Variants in ENOX1 observed in about 807,000 individuals in gnomAD.
ENOX1 encodes the protein ecto-NOX disulfide-thiol exchanger 1.
In ENOX1, 42 loss-of-function variants were observed where a neutral mutation model predicts 82.5. The observed-to-expected ratio is 0.51, with a 90% CI of 0.40 to 0.66. ENOX1 has a LOEUF of 0.66. ENOX1 is among the 30% of genes least tolerant of loss of function. The pLI, the probability that ENOX1 is intolerant of heterozygous loss-of-function variation, is 0.00. For synonymous variants in ENOX1, 271 were observed against 282.2 expected, an observed-to-expected ratio of 0.96 and a Z score of 0.40; for missense variants, 608 against 811.6, an observed-to-expected ratio of 0.75 and a Z score of 3.05.
At chr13:43,774,898 G>A (rs761963024) in intron 1 of ENOX1, among the ~76,000 whole-genome samples, 4 of 152,032 alleles carry the variant, frequency 2.6e-5, no homozygotes, top group Non-Finnish European at 4.4e-5. Context: ...CACCCAGACT[G>A]GAGTGCAATG....
At chr13:43,725,880 T>A (rs975973830) in intron 1 of ENOX1, among the ~76,000 whole-genome samples, 1 of 151,066 alleles carries the variant, frequency 6.6e-6, no homozygotes, top group South Asian at 2.1e-4. Context: ...GACAGGAGGG[T>A]TGCTTGAGCC....
At chr13:43,697,960 G>A (rs1352498365) in intron 1 of ENOX1, among the ~76,000 whole-genome samples, 1 of 152,174 alleles carries the variant, frequency 6.6e-6, no homozygotes, top group Non-Finnish European at 1.5e-5. Context: ...TCAGCATTGA[G>A]GAAGGAAAGG....
intron 14 of ENOX1, among the ~76,000 whole-genome samples, chr13:43,240,455 T>C (rs188796588): frequency 3.3e-5 from 5 of 152,108 alleles, no homozygotes; most frequent in Admixed American, 6.6e-5. Context: ...GGACATTGGT[T>C]TGGAGGCAAA....
At chr13:43,574,622 G>A (rs2080334645) in intron 2 of ENOX1, among the ~76,000 whole-genome samples, 5 of 152,198 alleles carry the variant, frequency 3.3e-5, no homozygotes. Flanking sequence ...AGAGGTGGAA[G>A]AACACTCAGA....
chr13:43,413,907 C>T (rs74635767), intron 3 of ENOX1, among the ~76,000 whole-genome samples: 12,103 of 151,668 alleles, frequency 0.08, 646 homozygotes, highest in African/African-American at 0.15. Context: ...CATTTCAAAA[C>T]TCAGATGAGT....
chr13:43,760,861 A>G (rs926173295), intron 1 of ENOX1, among the ~76,000 whole-genome samples: 2 of 36,828 alleles, frequency 5.4e-5, no homozygotes, highest in African/African-American at 1.3e-4. Flanking sequence ...ATTAAAGTGG[A>G]AAAAAAAAAA....
intron 3 of ENOX1, among the ~76,000 whole-genome samples, chr13:43,454,766 G>C (rs1016067444): frequency 6.6e-6 from 1 of 151,396 alleles, no homozygotes; most frequent in Non-Finnish European, 1.5e-5. Flanking sequence ...CTTTTATTTT[G>C]CTCACCTCTT....
At chr13:43,253,882 G>A (rs907083243) in intron 14 of ENOX1, among the ~76,000 whole-genome samples, 1 of 152,124 alleles carries the variant, frequency 6.6e-6, no homozygotes, top group East Asian at 1.9e-4. Context: ...GTTGCTCAGG[G>A]TATCAGGCAG....
At chr13:43,310,562 CT>C (rs1355409295) in intron 11 of ENOX1, among the ~76,000 whole-genome samples, 2 of 152,262 alleles carry the variant, frequency 1.3e-5, no homozygotes, top group African/African-American at 4.8e-5. Context: ...ATCTAAAGTG[CT>C]TTGTTAACAT....
intron 2 of ENOX1, among the ~76,000 whole-genome samples, chr13:43,559,002 C>G (rs1243434395): frequency 1.3e-5 from 2 of 152,350 alleles, no homozygotes; most frequent in East Asian, 3.9e-4. Flanking sequence ...CCTCTCTTCT[C>G]TGCAAACCAC....
At chr13:43,707,886 T>G (rs2087420864) in intron 1 of ENOX1, among the ~76,000 whole-genome samples, 1 of 152,052 alleles carries the variant, frequency 6.6e-6, no homozygotes, top group Non-Finnish European at 1.5e-5. Context: ...AAGATATGTA[T>G]GTGGACATAT....
chr13:43,616,204 A>ATATTT lies in ENOX1; in HGVS notation c.-219+51274_-219+51275insAAATA, dbSNP rs1457149422. 4.8e-3 allele frequency among the ~76,000 whole-genome samples: 73 copies of ATATTT among 15,294 alleles called. 10 individuals are homozygous for ATATTT. In the East Asian group the frequency reaches 0.049, roughly 10 times the overall value. 10.0% of individuals were successfully genotyped at this position (15,294 alleles called of 152,430 possible). On this transcript the variant is annotated intron_variant, in intron 2 of 16. Transcript: ENST00000690772. ...TATCTATCTATATATATATATATATATTTTTTTTTTTTTTTTAGGACGGAG... is the reference window on the plus strand; with the variant it reads ...TATCTATCTATATATATATATATATATATTTTTTTTTTTTTTTTTTTAGGACGGAG...
chr13:43,347,350 T>C (rs2049456201), intron 8 of ENOX1, among the ~76,000 whole-genome samples: 2 of 152,332 alleles, frequency 1.3e-5, no homozygotes, highest in South Asian at 2.1e-4. Context: ...AGAATTCCAT[T>C]AGCCTAAAAG....
intron 3 of ENOX1, among the ~76,000 whole-genome samples, chr13:43,447,494 A>G (rs1464075292): frequency 1.3e-5 from 2 of 151,916 alleles, no homozygotes; most frequent in African/African-American, 4.8e-5. Flanking sequence ...AGGGGTAGGA[A>G]CCCTGCAAGA....
At chr13:43,618,271 T>C (rs2082569743) in intron 2 of ENOX1, among the ~76,000 whole-genome samples, 1 of 152,204 alleles carries the variant, frequency 6.6e-6, no homozygotes, top group Non-Finnish European at 1.5e-5. Context: ...CTATTTATCT[T>C]TGTTTTTATT....
chr13:43,254,585 T>C (rs1160274739), intron 14 of ENOX1, among the ~76,000 whole-genome samples: 1 of 152,204 alleles, frequency 6.6e-6, no homozygotes, highest in Non-Finnish European at 1.5e-5. Flanking sequence ...ATTGTCAATA[T>C]CCACTGCTTA....
At chr13:43,459,865 G>A (rs766101171) in intron 3 of ENOX1, among the ~76,000 whole-genome samples, 13 of 152,064 alleles carry the variant, frequency 8.5e-5, no homozygotes, top group Non-Finnish European at 7.4e-5. Flanking sequence ...GTGGTGGCAC[G>A]CGCCTGTAGT....
chr13:43,616,703 T>C (rs1594116850), intron 2 of ENOX1, among the ~76,000 whole-genome samples: 1 of 152,162 alleles, frequency 6.6e-6, no homozygotes, highest in Non-Finnish European at 1.5e-5. Flanking sequence ...CATGATTAAA[T>C]TTAACAAATA....
At chr13:43,270,144 T>C (rs1206121567) in intron 12 of ENOX1, among the ~76,000 whole-genome samples, 1 of 152,196 alleles carries the variant, frequency 6.6e-6, no homozygotes, top group Non-Finnish European at 1.5e-5. Flanking sequence ...TACACTGCTA[T>C]TTTTAAGCAG....
Sources: gnomAD v4.1 joint callset for allele counts (sites outside exome capture counted in the v4.1 genomes callset) on GRCh38, gnomAD v4.1.1 for gene constraint, MANE v1.5 for transcripts, NCBI Gene and HGNC (gene_info 2026-07-23, HGNC 2026-07-21) for gene names.